The following NKAIN2 variants were observed in gnomAD, a reference collection of about 807,000 sequenced individuals.
The protein encoded by NKAIN2 is sodium/potassium transporting ATPase interacting 2.
NKAIN2 carries 14 observed loss-of-function variants against 32.6 expected under a neutral mutation model. The observed-to-expected ratio is 0.43, with a 90% CI of 0.28 to 0.67. The LOEUF is 0.67. NKAIN2 is among the 30% of genes least tolerant of loss of function. NKAIN2 has a pLI of 0.17. For missense variants in NKAIN2, 198 were observed against 258.3 expected, an observed-to-expected ratio of 0.77 and a Z score of 1.60; for synonymous variants, 80 against 87.2, an observed-to-expected ratio of 0.92 and a Z score of 0.46.
At chr6:123,919,808 A>G (rs1457268417) in intron 1 of NKAIN2, among the ~76,000 whole-genome samples, 2 of 152,230 alleles carry the variant, frequency 1.3e-5, no homozygotes, top group East Asian at 3.9e-4. Flanking sequence ...AATGGCAGCC[A>G]TGGGATAATA....
At chr6:124,336,923 G>A (rs1196210211) in intron 2 of NKAIN2, among the ~76,000 whole-genome samples, 1 of 151,856 alleles carries the variant, frequency 6.6e-6, no homozygotes, top group Non-Finnish European at 1.5e-5. Context: ...CACCTGCCTC[G>A]GCCTCCCAAA....
At chr6:124,000,814 G>C (rs1779848888) in intron 1 of NKAIN2, among the ~76,000 whole-genome samples, 1 of 152,048 alleles carries the variant, frequency 6.6e-6, no homozygotes, top group African/African-American at 2.4e-5. Flanking sequence ...TTGTTGAGAA[G>C]ATAGTTCAAA....
chr6:124,392,924 G>C (rs1424289326), intron 3 of NKAIN2, among the ~76,000 whole-genome samples: 1 of 152,072 alleles, frequency 6.6e-6, no homozygotes, highest in Non-Finnish European at 1.5e-5. Context: ...TGGCACCCTT[G>C]AGCCCAGGAT....
chr6:124,382,679 A>T (rs73578795), intron 3 of NKAIN2, among the ~76,000 whole-genome samples: 8,647 of 152,216 alleles, frequency 0.057, 830 homozygotes, highest in African/African-American at 0.2. Flanking sequence ...AGTACCCCAA[A>T]ATCTATTAAA....
rs200464640 is a variant in NKAIN2 at position 124,376,809 on chromosome 6, CAT to C, written c.273+21464_273+21465del. On this transcript the variant is annotated intron_variant, in intron 3 of 6. Transcript: ENST00000368417. ...TTTTTATTCTTTCTTGGAAAAATGA[CAT>C]AAAAATCCATGCCATTTATGATGTT... 9.2e-3 allele frequency among the ~76,000 whole-genome samples: 1,396 copies of C among 152,170 alleles called. 19 individuals carry two copies. The highest frequency in any genetic ancestry group is 0.033 in the South Asian group (161 of 4,824).
intron 3 of NKAIN2, among the ~76,000 whole-genome samples, chr6:124,614,983 A>G (rs1583523644): frequency 1.3e-5 from 2 of 152,224 alleles, no homozygotes; most frequent in Admixed American, 1.3e-4. Context: ...GGTGCTGAAC[A>G]GTGTCTTCGG....
intron 3 of NKAIN2, among the ~76,000 whole-genome samples, chr6:124,635,887 G>T (rs919396140): frequency 6.6e-6 from 1 of 151,916 alleles, no homozygotes; most frequent in Non-Finnish European, 1.5e-5. Flanking sequence ...AGATTATCCC[G>T]ATAGAAAATC....
chr6:123,939,533 A>G (rs999980923), intron 1 of NKAIN2, among the ~76,000 whole-genome samples: 3 of 152,042 alleles, frequency 2.0e-5, no homozygotes, highest in Non-Finnish European at 2.9e-5. Context: ...GACCACCAAT[A>G]CATAAATTAT....
chr6:124,388,609 G>A lies in NKAIN2; in HGVS notation c.273+33262G>A, dbSNP rs76332896. Among the ~76,000 whole-genome samples the A allele has an allele frequency of 3.2e-3, 492 of 151,444 alleles. 5 individuals are homozygous for A. The highest frequency in any genetic ancestry group is 0.027 in the Middle Eastern group (8 of 294). The stretch of plus-strand genomic sequence containing the variant: ...AATACAATCAATTTTCATTATTTGA[G>A]GGTTCTATATTTTCAAATTTACTTA... On this transcript the variant is annotated intron_variant, in intron 3 of 6. Transcript: ENST00000368417.
chr6:124,530,481 G>A (rs1043842288), intron 3 of NKAIN2, among the ~76,000 whole-genome samples: 3 of 152,134 alleles, frequency 2.0e-5, no homozygotes, highest in Admixed American at 2.0e-4. Flanking sequence ...TGGGAGGCAG[G>A]AGAGGTAGGG....
intron 3 of NKAIN2, among the ~76,000 whole-genome samples, chr6:124,605,769 AAGG>A (rs1454468066): frequency 1.3e-5 from 2 of 152,170 alleles, no homozygotes; most frequent in Non-Finnish European, 2.9e-5. Flanking sequence ...GGCTACCTAA[AAGG>A]AGGACAAAAC....
intron 1 of NKAIN2, among the ~76,000 whole-genome samples, chr6:123,866,470 G>A (rs1425082905): frequency 4.0e-5 from 6 of 151,762 alleles, no homozygotes; most frequent in Admixed American, 6.6e-5. Flanking sequence ...TCGCTCTGTC[G>A]TCCAGGCTGG....
intron 4 of NKAIN2, among the ~76,000 whole-genome samples, chr6:124,767,865 C>G (rs1028794632): frequency 2.0e-5 from 3 of 152,122 alleles, no homozygotes; most frequent in African/African-American, 7.2e-5. Flanking sequence ...AAAGTGCAAT[C>G]TCTGGGAGAA....
At chr6:124,807,658 A>G (rs1225108621) in intron 5 of NKAIN2, among the ~76,000 whole-genome samples, 2 of 150,274 alleles carry the variant, frequency 1.3e-5, no homozygotes, top group African/African-American at 4.9e-5. Context: ...ACTGAAGGAA[A>G]TAGAGACACA....
intron 2 of NKAIN2, among the ~76,000 whole-genome samples, chr6:124,324,227 T>G (rs1331587895): frequency 2.6e-5 from 4 of 152,234 alleles, no homozygotes; most frequent in Non-Finnish European, 4.4e-5. Context: ...CGATGAGTCT[T>G]TTAATCCATG....
intron 4 of NKAIN2, among the ~76,000 whole-genome samples, chr6:124,697,650 T>A (rs754710442): frequency 5.3e-5 from 8 of 152,208 alleles, no homozygotes; most frequent in Non-Finnish European, 1.0e-4. Context: ...ATTTGTTTTT[T>A]ACTTGCAGCA....
chr6:124,243,940 A>G (rs542781148), intron 1 of NKAIN2, among the ~76,000 whole-genome samples: 1 of 152,230 alleles, frequency 6.6e-6, no homozygotes, highest in Non-Finnish European at 1.5e-5. Flanking sequence ...TATAATGACA[A>G]TAATTTGAGC....
At chr6:124,170,210 ACT>A (rs896856001) in intron 1 of NKAIN2, among the ~76,000 whole-genome samples, 5 of 151,742 alleles carry the variant, frequency 3.3e-5, no homozygotes, top group African/African-American at 1.2e-4. Context: ...TCCTCTTTGC[ACT>A]CTCTCTTTTT....
chr6:124,520,570 C>A (rs537640187), intron 3 of NKAIN2, among the ~76,000 whole-genome samples: 1 of 152,178 alleles, frequency 6.6e-6, no homozygotes, highest in African/African-American at 2.4e-5. Context: ...AGAGCAAGAC[C>A]TAAAATGTAT....
Sources: gnomAD v4.1 joint callset for allele counts (sites outside exome capture counted in the v4.1 genomes callset) on GRCh38, gnomAD v4.1.1 for gene constraint, MANE v1.5 for transcripts, NCBI Gene and HGNC (gene_info 2026-07-23, HGNC 2026-07-21) for gene names.